NLRP14: variants seen among roughly 807,000 people sequenced by gnomAD.
NLRP14 encodes NACHT, LRR and PYD domains-containing protein 14.
A neutral mutation model predicts 94.7 loss-of-function variants in NLRP14; 105 were observed. That is an observed-to-expected ratio of 1.11 (90% CI 0.95 to 1.30). The LOEUF (loss-of-function observed/expected upper bound fraction) is 1.30. Ranked by LOEUF, NLRP14 falls within the 50% of genes most tolerant of loss-of-function variation. The pLI, the probability that NLRP14 is intolerant of heterozygous loss-of-function variation, is 0.00. For missense variants in NLRP14, 1,362 were observed against 1,254.1 expected (o/e 1.09, Z -1.30); for synonymous variants, 508 against 459.9 (o/e 1.10, Z -1.34).
chr11:7,042,668 T>A lies in NLRP14; in HGVS notation c.642T>A (p.Phe214Leu). The A allele has an allele frequency of 6.2e-7, 1 of 1,614,256 alleles. No homozygotes were observed. Among genetic ancestry groups the A allele is most frequent in the Non-Finnish European group, 8.5e-7 (1 of 1,180,038 alleles). ...SLYQQRFKYVFYLNGREINQL... is the reference protein window; with the variant it reads ...SLYQQRFKYVLYLNGREINQL... ...ACCAGCAGAGGTTTAAGTATGTTTT[T>A]TATCTCAATGGGAGAGAAATTAACC... The change falls in exon 4 of 12, where the codon TTT becomes TTA. Residue 214 changes from phenylalanine (F) to leucine (L), a missense_variant. Transcript: ENST00000299481.
At position 7,042,470 on chromosome 11, in the gene NLRP14, A is replaced by C; in HGVS notation, c.444A>C (p.Glu148Asp). The change falls in exon 4 of 12, where the codon GAA becomes GAC. Residue 148 changes from glutamate to aspartate, a missense_variant. Transcript: ENST00000299481. The part of the protein sequence containing the change: ...WDKKSLAGKP[E>D]DFHHGIAEKD... The stretch of plus-strand genomic sequence containing the variant: ...AGAAGTCTTTGGCTGGAAAGCCTGA[A>C]GATTTCCATCATGGAATTGCAGAGA... 6.2e-7 allele frequency: 1 copy of C among 1,613,614 alleles called. No individual in the cohort carries two copies. Among genetic ancestry groups the C allele is most frequent in the Non-Finnish European group, 8.5e-7 (1 of 1,179,452 alleles).
chr11:7,070,192 G>C (rs1852769383), intron 10 of NLRP14, 94 bp from the exon 11 acceptor site: 3 of 891,542 alleles, frequency 3.4e-6, no homozygotes, highest in Admixed American at 1.8e-5. Context: ...AAAGTTTCTG[G>C]AATTATCCTC....
At position 7,051,083 on chromosome 11, in the gene NLRP14, C is replaced by T. The variant is rs949181690; in HGVS notation, c.2291+1245C>T. The stretch of plus-strand genomic sequence containing the variant: ...CATTTGAGGTTTGAGTAATGTCGTC[C>T]GCTGGTAAGCCTTGATACAGACCAA... On this transcript the variant is annotated intron_variant, in intron 6 of 11. Transcript: ENST00000299481. Among the ~76,000 whole-genome samples, 38 of 152,118 alleles carry T rather than the reference C, an allele frequency of 2.5e-4. 1 individual carries two copies. Among genetic ancestry groups the T allele is most frequent in the African/African-American group, 7.2e-4 (30 of 41,416 alleles).
intron 6 of NLRP14, among the ~76,000 whole-genome samples, chr11:7,051,180 A>G (rs1460411233): frequency 1.3e-5 from 2 of 152,190 alleles, no homozygotes; most frequent in Admixed American, 6.5e-5. Context: ...AGTAAATACA[A>G]TGCTTTGGCA....
In NLRP14 at chr11:7,030,808, CTGGGG is replaced by C. The variant is rs200043749; in HGVS notation, c.-21-7756_-21-7752del. Among the ~76,000 whole-genome samples, 1,169 of 152,310 alleles carry C rather than the reference CTGGGG, an allele frequency of 7.7e-3. 14 individuals carry two copies. Among genetic ancestry groups the C allele is most frequent in the African/African-American group, 0.027 (1,127 of 41,584 alleles). On this transcript the variant is annotated intron_variant, in intron 1 of 11. Coordinates refer to ENST00000299481, the MANE Select transcript of NLRP14 (RefSeq NM_176822.4). ...CCAGTCTGGGAAAGGTCCTTCAAAGCTGGGGTTCAATTCCCCGACTTCCTCTTTCC... is the reference window on the plus strand; with the variant it reads ...CCAGTCTGGGAAAGGTCCTTCAAAGCTTCAATTCCCCGACTTCCTCTTTCC...
chr11:7,087,645 G>A, the NLRP14 span, among the ~76,000 whole-genome samples: 2 of 152,074 alleles, frequency 1.3e-5, no homozygotes, highest in Non-Finnish European at 2.9e-5. Flanking sequence ...TTTTAAGTTA[G>A]CATTCAATAA....
At position 7,042,462 on chromosome 11, in the gene NLRP14, A is replaced by G; in HGVS notation, c.436A>G (p.Lys146Glu). ...ITWDKKSLAG[K>E]PEDFHHGIAE... is the part of the protein sequence containing the mutation. ...TTGGGACAAGAAGTCTTTGGCTGGA[A>G]AGCCTGAAGATTTCCATCATGGAAT... Residue 146 changes from lysine to glutamate, a missense_variant, in exon 4 of 12, where the codon AAG becomes GAG. Transcript: ENST00000299481. 1 of 1,613,930 alleles carries G rather than the reference A, an allele frequency of 6.2e-7. No individual in the cohort carries two copies. Among genetic ancestry groups the G allele is most frequent in the Non-Finnish European group, 8.5e-7 (1 of 1,179,750 alleles).
chr11:7,046,893 C>A lies in NLRP14; in HGVS notation c.2123+61C>A, dbSNP rs973291721. The A allele has an allele frequency of 1.8e-5, 23 of 1,249,002 alleles. No individual in the cohort carries two copies. In the Admixed American group the frequency reaches 2.2e-4, roughly 12 times the overall value. The allele number at this position is 1,249,002 out of a possible 1,614,324, so 77.4% of individuals were successfully genotyped here. On this transcript the variant is annotated intron_variant, in intron 5 of 11. Coordinates refer to ENST00000299481, the MANE Select transcript of NLRP14 (RefSeq NM_176822.4). ...CTAATTTCTTTCTGTGTCCCATCTTCCACTCATACTCGTTAGGGGAAGCCA... is the reference window on the plus strand; with the variant it reads ...CTAATTTCTTTCTGTGTCCCATCTTACACTCATACTCGTTAGGGGAAGCCA...
chr11:7,074,784 G>C (rs926936360), downstream of NLRP14, among the ~76,000 whole-genome samples: 3 of 152,174 alleles, frequency 2.0e-5, no homozygotes, highest in African/African-American at 7.2e-5. Context: ...TGTTTTTTCT[G>C]TAGCGGATCT....
At chr11:7,087,845 G>T in the NLRP14 span, among the ~76,000 whole-genome samples, 1 of 152,090 alleles carries the variant, frequency 6.6e-6, no homozygotes, top group Admixed American at 6.5e-5. Flanking sequence ...AAAGTTATAA[G>T]CATCACACAA....
chr11:7,026,810 G>A (rs954027172), intron 1 of NLRP14, among the ~76,000 whole-genome samples: 1 of 143,588 alleles, frequency 7.0e-6, no homozygotes, highest in African/African-American at 2.6e-5. Flanking sequence ...TATACACCAT[G>A]GGGGGTAGGG....
chr11:7,056,327 T>C (rs531173185), intron 6 of NLRP14, among the ~76,000 whole-genome samples: 4 of 151,966 alleles, frequency 2.6e-5, no homozygotes, highest in African/African-American at 9.6e-5. Flanking sequence ...ATTTCTAAAG[T>C]CCAGGTATCT....
At chr11:7,083,015 G>T in the NLRP14 span, among the ~76,000 whole-genome samples, 3 of 152,214 alleles carry the variant, frequency 2.0e-5, no homozygotes, top group Non-Finnish European at 4.4e-5. Context: ...GCAGCCTTGA[G>T]CCTGTGACCA....
At chr11:7,028,091 C>G (rs1409993332) in intron 1 of NLRP14, among the ~76,000 whole-genome samples, 1 of 151,542 alleles carries the variant, frequency 6.6e-6, no homozygotes, top group East Asian at 2.0e-4. Flanking sequence ...TAAATTCCAC[C>G]TATAAGCTAG....
At chr11:7,057,267 C>A (rs1852529490) in intron 6 of NLRP14, among the ~76,000 whole-genome samples, 1 of 152,066 alleles carries the variant, frequency 6.6e-6, no homozygotes, top group African/African-American at 2.4e-5. Context: ...AATGAGCTCA[C>A]GGGAGACACA....
At chr11:7,051,804 G>A (rs927426004) in intron 6 of NLRP14, among the ~76,000 whole-genome samples, 5 of 151,328 alleles carry the variant, frequency 3.3e-5, no homozygotes, top group Non-Finnish European at 7.4e-5. Flanking sequence ...TGTGTTTTTA[G>A]TAGAGATGGG....
chr11:7,030,198 G>T (rs138472778), intron 1 of NLRP14, among the ~76,000 whole-genome samples: 1 of 152,184 alleles, frequency 6.6e-6, no homozygotes, highest in Admixed American at 6.5e-5. Flanking sequence ...GAAGCTACTG[G>T]ATCTATTAGC....
At chr11:7,033,010 T>G (rs1303948277) in intron 1 of NLRP14, among the ~76,000 whole-genome samples, 2 of 152,212 alleles carry the variant, frequency 1.3e-5, no homozygotes, top group Non-Finnish European at 2.9e-5. Flanking sequence ...TGGACTTTTA[T>G]AATAGCTACT....
chr11:7,034,873 C>T (rs763248792), intron 1 of NLRP14, among the ~76,000 whole-genome samples: 70 of 152,258 alleles, frequency 4.6e-4, no homozygotes, highest in Middle Eastern at 3.4e-3. Flanking sequence ...TGCTAATGAA[C>T]GACCCTGAAT....
Sources: allele counts gnomAD v4.1 joint callset (sites outside exome capture counted in the v4.1 genomes callset), GRCh38; gene constraint gnomAD v4.1.1; transcripts MANE v1.5; gene names NCBI Gene and HGNC (gene_info 2026-07-23, HGNC 2026-07-21).